The following AUTS2 variants were observed in gnomAD, a reference collection of about 807,000 sequenced individuals.
The protein encoded by AUTS2 is autism susceptibility gene 2 protein.
A neutral mutation model predicts 112.4 loss-of-function variants in AUTS2; 17 were observed. The observed-to-expected ratio is 0.15, with a 90% CI of 0.10 to 0.23. The LOEUF (loss-of-function observed/expected upper bound fraction) is 0.23. AUTS2 is among the 10% of genes least tolerant of loss of function. The pLI is 1.00. For missense variants in AUTS2, 1,510 were observed against 1,701.6 expected, an observed-to-expected ratio of 0.89 and a Z score of 1.98; for synonymous variants, 751 against 702.7, an observed-to-expected ratio of 1.07 and a Z score of -1.09.
At chr7:70,424,663 T>G (rs1262315991) in intron 4 of AUTS2, among the ~76,000 whole-genome samples, 1 of 152,172 alleles carries the variant, frequency 6.6e-6, no homozygotes, top group Non-Finnish European at 1.5e-5. Flanking sequence ...CAGAGCTAAC[T>G]GCAGCCTTGA....
intron 1 of AUTS2, among the ~76,000 whole-genome samples, chr7:69,794,111 C>G (rs1276199073): frequency 6.6e-6 from 1 of 152,200 alleles, no homozygotes; most frequent in East Asian, 1.9e-4. Flanking sequence ...AACCCCTTTT[C>G]ACCTCATATT....
chr7:69,674,467 C>T (rs887349545), intron 1 of AUTS2, among the ~76,000 whole-genome samples: 29 of 152,112 alleles, frequency 1.9e-4, no homozygotes, highest in African/African-American at 7.0e-4. Context: ...TTGGAGTCTC[C>T]ACCATGTCAA....
chr7:69,903,220 A>G (rs533516457), intron 2 of AUTS2, among the ~76,000 whole-genome samples: 5 of 152,326 alleles, frequency 3.3e-5, no homozygotes, highest in Admixed American at 2.0e-4. Context: ...ACCAAGTCAC[A>G]ATGAAACCAC....
At chr7:70,050,950 A>G (rs771927798) in intron 2 of AUTS2, among the ~76,000 whole-genome samples, 8 of 152,150 alleles carry the variant, frequency 5.3e-5, no homozygotes, top group Admixed American at 1.3e-4. Flanking sequence ...AGCTGAGATC[A>G]TGCTACTGCA....
intron 2 of AUTS2, among the ~76,000 whole-genome samples, chr7:70,108,993 A>C (rs1442522848): frequency 4.6e-5 from 7 of 152,062 alleles, no homozygotes. Context: ...TAGGATGACA[A>C]GGTGTTCCAG....
chr7:70,225,680 T>G (rs1811725112), intron 4 of AUTS2, among the ~76,000 whole-genome samples: 1 of 152,090 alleles, frequency 6.6e-6, no homozygotes. Context: ...AGCAAAAAAA[T>G]CAAAAACACT....
intron 4 of AUTS2, among the ~76,000 whole-genome samples, chr7:70,377,906 G>C (rs1020329339): frequency 7.3e-5 from 11 of 151,610 alleles, no homozygotes; most frequent in Non-Finnish European, 1.3e-4. Flanking sequence ...AAGTAGCTGG[G>C]ACTACAAGCG....
intron 2 of AUTS2, among the ~76,000 whole-genome samples, chr7:69,925,393 C>T (rs1257920437): frequency 6.6e-6 from 1 of 151,976 alleles, no homozygotes; most frequent in Non-Finnish European, 1.5e-5. Context: ...ATAAATTTAC[C>T]CCCAAATATT....
At position 69,599,839 on chromosome 7, in the gene AUTS2, C is replaced by G. The variant is rs1208304336; in HGVS notation, c.186C>G (p.Pro62=). ...CCGACAAGGAAGACAATGGGAAGCC[C>G]CCGTCCTCCGCCCCGTCCCGGCCCA... is the stretch of plus-strand genomic sequence containing the variant. ...SGSDKEDNGK[P]PSSAPSRPRP... is the part of the protein sequence containing the mutation. Residue 62 remains proline, a synonymous_variant, in exon 1 of 19, where the codon CCC becomes CCG. Transcript: ENST00000342771. This position sits in a 1 kb window ranked among gnomAD's most constrained non-coding sequence, Gnocchi z 7.0. The G allele has an allele frequency of 1.9e-6, 3 of 1,611,986 alleles. No individual in the cohort carries two copies. Among genetic ancestry groups the G allele is most frequent in the Non-Finnish European group, 2.5e-6 (3 of 1,179,396 alleles).
intron 4 of AUTS2, among the ~76,000 whole-genome samples, chr7:70,171,792 G>T (rs769317239): frequency 4.6e-5 from 7 of 152,106 alleles, no homozygotes; most frequent in Non-Finnish European, 8.8e-5. Context: ...ATTTTTGTCA[G>T]CAGGGATGTG....
At chr7:70,230,540 G>A (rs1471190471) in intron 4 of AUTS2, among the ~76,000 whole-genome samples, 2 of 152,188 alleles carry the variant, frequency 1.3e-5, no homozygotes, top group Admixed American at 1.3e-4. Flanking sequence ...GAATGAATCA[G>A]CAGTCAGCCT....
chr7:70,418,734 G>A (rs1428551103), intron 4 of AUTS2, among the ~76,000 whole-genome samples: 5 of 150,206 alleles, frequency 3.3e-5, no homozygotes, highest in African/African-American at 1.2e-4. Context: ...TCCTCTAACC[G>A]AAAAATAATA....
chr7:70,207,197 A>G (rs1259260730), intron 4 of AUTS2, among the ~76,000 whole-genome samples: 1 of 152,208 alleles, frequency 6.6e-6, no homozygotes, highest in East Asian at 1.9e-4. Context: ...TGGACTTTCT[A>G]TAGGGTAATG....
chr7:70,254,960 T>C (rs907798485), intron 4 of AUTS2, among the ~76,000 whole-genome samples: 2 of 152,070 alleles, frequency 1.3e-5, no homozygotes, highest in African/African-American at 2.4e-5. Context: ...ATCCTCATCA[T>C]AAGTGAGAGA....
intron 5 of AUTS2, among the ~76,000 whole-genome samples, chr7:70,486,224 A>G (rs1436477640): frequency 6.6e-6 from 1 of 152,210 alleles, no homozygotes. Flanking sequence ...CACAGGGCAC[A>G]GGGGTTAGCA....
At chr7:70,252,381 G>A (rs1254257089) in intron 4 of AUTS2, among the ~76,000 whole-genome samples, 1 of 151,990 alleles carries the variant, frequency 6.6e-6, no homozygotes, top group Non-Finnish European at 1.5e-5. Flanking sequence ...TATGTCTGAT[G>A]GCCATTTGTA....
Position 69,810,745 on chromosome 7 carries a change from G to A in AUTS2, c.310-88541G>A, listed in dbSNP as rs930773781. On this transcript the variant is annotated intron_variant, in intron 1 of 18. Coordinates refer to ENST00000342771, the MANE Select transcript of AUTS2 (RefSeq NM_015570.4). Reference sequence around the variant, plus strand: ...AGGGAAAAATGGTAGACTAGGATTCGGAAGAAACTGACATTCTGACGTTGA... The same window carrying A: ...AGGGAAAAATGGTAGACTAGGATTCAGAAGAAACTGACATTCTGACGTTGA... Among the ~76,000 whole-genome samples the A allele has an allele frequency of 3.3e-5, 5 of 152,154 alleles. No homozygotes were observed. The South Asian group carries it at 8.3e-4, about 25-fold the overall frequency.
intron 4 of AUTS2, among the ~76,000 whole-genome samples, chr7:70,357,317 T>C (rs1445398589): frequency 6.6e-6 from 1 of 152,198 alleles, no homozygotes; most frequent in Non-Finnish European, 1.5e-5. Flanking sequence ...TACTCAGATA[T>C]GGCCCAGTTT....
intron 5 of AUTS2, among the ~76,000 whole-genome samples, chr7:70,656,787 G>A (rs530043674): frequency 3.3e-5 from 5 of 152,188 alleles, no homozygotes; most frequent in South Asian, 2.1e-4. Context: ...CAGATAACCC[G>A]GCCATGTTAC....
Sources: allele counts gnomAD v4.1 joint callset (sites outside exome capture counted in the v4.1 genomes callset), GRCh38; gene constraint gnomAD v4.1.1; non-coding constraint Gnocchi (gnomAD v3.1); transcripts MANE v1.5; gene names NCBI Gene and HGNC (gene_info 2026-07-23, HGNC 2026-07-21).